AKAP13: variants seen among roughly 807,000 people sequenced by gnomAD.
The protein encoded by AKAP13 is A-kinase anchor protein 13.
AKAP13 carries 80 observed loss-of-function variants against 264.5 expected under a neutral mutation model. The ratio of observed to expected loss-of-function variants is 0.30; its 90% confidence interval spans 0.25 to 0.36. The LOEUF (loss-of-function observed/expected upper bound fraction) is 0.36, where lower values mean the gene tolerates loss of function less well. Among genes scored for constraint, AKAP13 ranks in the 10% least tolerant of loss-of-function variants. The pLI is 1.00. For missense variants in AKAP13, 3,712 were observed against 3,435.2 expected, an observed-to-expected ratio of 1.08 and a Z score of -2.01; for synonymous variants, 1,380 against 1,250.2, an observed-to-expected ratio of 1.10 and a Z score of -2.19.
chr15:85,583,636 T>C (rs1396126185), intron 7 of AKAP13, among the ~76,000 whole-genome samples: 1 of 152,250 alleles, frequency 6.6e-6, no homozygotes, highest in Non-Finnish European at 1.5e-5. Flanking sequence ...TGCTGCGTCC[T>C]TGGCCACATG....
At chr15:85,618,109 G>T (rs549528855) in intron 8 of AKAP13, among the ~76,000 whole-genome samples, 1 of 152,160 alleles carries the variant, frequency 6.6e-6, no homozygotes, top group Non-Finnish European at 1.5e-5. Flanking sequence ...TTTTATTTCA[G>T]AATAAAGCCT....
At chr15:85,390,981 G>C (rs1170423816) in intron 1 of AKAP13, among the ~76,000 whole-genome samples, 1 of 152,196 alleles carries the variant, frequency 6.6e-6, no homozygotes, top group African/African-American at 2.4e-5. Flanking sequence ...TTCAGTGATG[G>C]TCTGGACTGG....
rs145982944 is a variant in AKAP13 at position 85,409,868 on chromosome 15, T to C, written c.-12+29070T>C. 1.8e-4 allele frequency among the ~76,000 whole-genome samples: 28 copies of C among 151,498 alleles called. No homozygotes were observed. In the East Asian group the frequency reaches 5.2e-3, roughly 28 times the overall value. ...GGATGGTCTCTATATCCTGACCTCA[T>C]GATCCGTCCGCCTCGGCCTCCCAAA... is the stretch of plus-strand genomic sequence containing the variant. On this transcript the variant is annotated intron_variant, in intron 1 of 36. Coordinates refer to ENST00000394518, the MANE Select transcript of AKAP13 (RefSeq NM_007200.5).
At chr15:85,711,677 C>A (rs1428555595) in intron 19 of AKAP13, among the ~76,000 whole-genome samples, 1 of 152,196 alleles carries the variant, frequency 6.6e-6, no homozygotes, top group Admixed American at 6.5e-5. Context: ...TGATTAATAT[C>A]TTCTTAGCTG....
chr15:85,676,976 C>G (rs2084263006), intron 14 of AKAP13: 5 of 985,506 alleles, frequency 5.1e-6, no homozygotes, highest in Non-Finnish European at 6.0e-6. Flanking sequence ...TCCTTCTCAG[C>G]TCAGCAGCAG....
intron 8 of AKAP13, among the ~76,000 whole-genome samples, chr15:85,595,239 A>G (rs1298998321): frequency 1.3e-5 from 2 of 151,994 alleles, no homozygotes; most frequent in Non-Finnish European, 2.9e-5. Flanking sequence ...AGCTGAGACC[A>G]CAGGTGCGAG....
intron 5 of AKAP13, among the ~76,000 whole-genome samples, chr15:85,546,321 A>AATACACAC (rs375341311): frequency 0.02 from 2,835 of 145,250 alleles, 31 homozygotes; most frequent in Middle Eastern, 0.031. Flanking sequence ...GTTGTTACCA[A>AATACACAC]ACACACACAC....
intron 3 of AKAP13, among the ~76,000 whole-genome samples, chr15:85,521,901 A>G (rs888297897): frequency 2.6e-5 from 4 of 152,200 alleles, no homozygotes; most frequent in Non-Finnish European, 5.9e-5. Context: ...AAATTCAAGG[A>G]TTTAAAGATT....
chr15:85,642,108 G>A (rs1035271146), intron 9 of AKAP13, among the ~76,000 whole-genome samples: 1 of 152,156 alleles, frequency 6.6e-6, no homozygotes, highest in African/African-American at 2.4e-5. Context: ...CTGTCATCTG[G>A]ATACTTACTG....
intron 5 of AKAP13, 190 bp downstream of exon 5, chr15:85,544,145 T>A (rs556272520): frequency 1.4e-6 from 1 of 727,756 alleles, no homozygotes; most frequent in Non-Finnish European, 2.4e-6. Context: ...GAGAGAAACG[T>A]AAGTCGTGTT....
At chr15:85,658,690 T>C in intron 12 of AKAP13, 100 bp downstream of exon 12, 1 of 1,021,580 alleles carries the variant, frequency 9.8e-7, no homozygotes, top group South Asian at 2.0e-5. Flanking sequence ...CATCTACTTT[T>C]AAGTAATGTC....
intron 14 of AKAP13, among the ~76,000 whole-genome samples, chr15:85,673,566 G>A (rs1185654439): frequency 6.6e-6 from 1 of 151,628 alleles, no homozygotes; most frequent in Non-Finnish European, 1.5e-5. Flanking sequence ...TTCTCCCACT[G>A]TGCTGGGAAA....
intron 1 of AKAP13, among the ~76,000 whole-genome samples, chr15:85,459,232 C>A (rs931737458): frequency 6.6e-6 from 1 of 152,160 alleles, no homozygotes; most frequent in Admixed American, 6.5e-5. Flanking sequence ...GTCACCCAGG[C>A]TGGAGTGCAG....
At chr15:85,629,988 C>T (rs150721485) in intron 8 of AKAP13, among the ~76,000 whole-genome samples, 17,106 of 151,340 alleles carry the variant, frequency 0.11, 1,160 homozygotes, top group East Asian at 0.2. Flanking sequence ...CCATGTTGCC[C>T]AGGCTGGTCT....
intron 1 of AKAP13, among the ~76,000 whole-genome samples, chr15:85,390,079 A>G (rs561573829): frequency 6.6e-6 from 1 of 152,280 alleles, no homozygotes; most frequent in South Asian, 2.1e-4. Context: ...CTCTTGGCAA[A>G]TGGTTATATG....
At chr15:85,512,030 T>C (rs1036290872) in intron 2 of AKAP13, among the ~76,000 whole-genome samples, 1 of 152,132 alleles carries the variant, frequency 6.6e-6, no homozygotes, top group Admixed American at 6.6e-5. Context: ...TTTCAGTATA[T>C]ACCACATAAG....
intron 1 of AKAP13, among the ~76,000 whole-genome samples, chr15:85,429,509 T>C (rs2072936525): frequency 6.6e-6 from 1 of 152,180 alleles, no homozygotes. Flanking sequence ...TGGTCCTAGG[T>C]GCCTAAGAAA....
chr15:85,692,337 G>C (rs1403899648), intron 16 of AKAP13, among the ~76,000 whole-genome samples: 1 of 152,168 alleles, frequency 6.6e-6, no homozygotes, highest in Non-Finnish European at 1.5e-5. Context: ...AAATGCTTTA[G>C]AAATGTATTA....
chr15:85,726,015 T>C (rs1409664400), intron 26 of AKAP13: 1 of 156,640 alleles, frequency 6.4e-6, no homozygotes, highest in East Asian at 1.9e-4. Flanking sequence ...AGTCGAAAAA[T>C]ATTGCAATCT....
Sources: gnomAD v4.1 joint callset for allele counts (sites outside exome capture counted in the v4.1 genomes callset) on GRCh38, gnomAD v4.1.1 for gene constraint, MANE v1.5 for transcripts, NCBI Gene and HGNC (gene_info 2026-07-23, HGNC 2026-07-21) for gene names.